The following SCUBE1 variants were observed in gnomAD, a reference collection of about 807,000 sequenced individuals.
SCUBE1 encodes signal peptide, CUB and EGF-like domain-containing protein 1.
In SCUBE1, 59 loss-of-function variants were observed where a neutral mutation model predicts 124.4. That is an observed-to-expected ratio of 0.47 (90% CI 0.38 to 0.59). The LOEUF (loss-of-function observed/expected upper bound fraction) is 0.59, where lower values mean the gene tolerates loss of function less well. Among genes scored for constraint, SCUBE1 ranks in the 20% least tolerant of loss-of-function variants. SCUBE1 has a pLI of 0.00. For synonymous variants in SCUBE1, 545 were observed against 550.9 expected (o/e 0.99, Z 0.15); for missense variants, 1,150 against 1,371.2 (o/e 0.84, Z 2.55).
At chr22:43,237,110 G>T (rs567045946) in intron 7 of SCUBE1, among the ~76,000 whole-genome samples, 182 of 152,024 alleles carry the variant, frequency 1.2e-3, no homozygotes, top group African/African-American at 4.1e-3. Context: ...GGTGGGGTGG[G>T]GGGGGTTGGG....
In SCUBE1 at chr22:43,222,626, C is replaced by CG. The variant is rs139005; in HGVS notation, c.1432+11dup. 8 of 1,563,900 alleles carry CG rather than the reference C, an allele frequency of 5.1e-6. No homozygotes were observed. The highest frequency in any genetic ancestry group is 1.8e-5 in the Admixed American group (1 of 55,568). On this transcript the variant is annotated intron_variant, in intron 12 of 21. Transcript: ENST00000360835. ...CCAGTGGCATGCAGCATGGACAGGC[C>CG]GGGGGGGTTACCTGAGCAGCTGGGC...
chr22:43,247,886 T>C (rs1459994807), intron 6 of SCUBE1, among the ~76,000 whole-genome samples: 1 of 152,160 alleles, frequency 6.6e-6, no homozygotes, highest in Non-Finnish European at 1.5e-5. Context: ...AGTATTACCA[T>C]GTGGGCCTGC....
chr22:43,342,463 G>A (rs900549691), intron 1 of SCUBE1, among the ~76,000 whole-genome samples: 8 of 151,990 alleles, frequency 5.3e-5, no homozygotes, highest in African/African-American at 1.7e-4. Context: ...CGGCTTTCCA[G>A]GTATCTCTGT....
At chr22:43,242,401 G>GC (rs1923041115) in intron 6 of SCUBE1, among the ~76,000 whole-genome samples, 1 of 152,244 alleles carries the variant, frequency 6.6e-6, no homozygotes, top group African/African-American at 2.4e-5. Flanking sequence ...AGCAGGCCAG[G>GC]CCGCCTTTAC....
chr22:43,327,487 G>A (rs1414162054), intron 2 of SCUBE1, among the ~76,000 whole-genome samples: 5 of 152,176 alleles, frequency 3.3e-5, no homozygotes, highest in Non-Finnish European at 2.9e-5. Flanking sequence ...TTGGAGTAAT[G>A]AAAAGATTCT....
rs1922556719 is a variant in SCUBE1, at chr22:43,231,654, G to T, written c.967+99C>A. On this transcript the variant is annotated intron_variant, in intron 8 of 21. Transcript: ENST00000360835. ...CATTCCCTCGGGCCCAGCCCCATCC[G>T]CATTCCCCTCCCCTCCTAGGAGCCC... 7 of 1,435,252 alleles carry T rather than the reference G, an allele frequency of 4.9e-6. No individual in the cohort carries two copies. In the South Asian group the frequency reaches 6.3e-5, roughly 13 times the overall value. 88.9% of individuals were successfully genotyped at this position (1,435,252 alleles called of 1,614,324 possible).
intron 2 of SCUBE1, among the ~76,000 whole-genome samples, chr22:43,333,412 T>A (rs954297095): frequency 6.6e-6 from 1 of 152,168 alleles, no homozygotes; most frequent in African/African-American, 2.4e-5. Context: ...TCATCACACA[T>A]GTCCACTGGC....
chr22:43,223,582 G>C (rs143229595), intron 10 of SCUBE1, among the ~76,000 whole-genome samples: 43 of 152,306 alleles, frequency 2.8e-4, no homozygotes, highest in African/African-American at 7.9e-4. Context: ...GGGGCCGTGG[G>C]GGGGATCGCT....
At chr22:43,205,848 T>C (rs1601791003) in intron 21 of SCUBE1, among the ~76,000 whole-genome samples, 1 of 15,714 alleles carries the variant, frequency 6.4e-5, no homozygotes, top group Non-Finnish European at 1.2e-4. Context: ...ACACACCCAC[T>C]CACCACTCAC....
At position 43,212,558 on chromosome 22, in the gene SCUBE1, G is replaced by C. The variant is rs1921614343; in HGVS notation, c.2088C>G (p.Gly696=). The change falls in exon 17 of 22, where the codon GGC becomes GGG. Residue 696 remains glycine, a synonymous_variant. Transcript: ENST00000360835. ...CGGGGCAGGCCTGGCAGGGCTTGAA[G>C]CCATCGGCCGAGAAGAAGCCTGGAG... ...QCSPGFFSAD[G]FKPCQACPVG... The C allele has an allele frequency of 6.4e-7, 1 of 1,565,832 alleles. No individual in the cohort carries two copies. Among genetic ancestry groups the C allele is most frequent in the Non-Finnish European group, 8.6e-7 (1 of 1,156,464 alleles).
chr22:43,325,059 G>A (rs573438196), intron 2 of SCUBE1, among the ~76,000 whole-genome samples: 20 of 151,356 alleles, frequency 1.3e-4, no homozygotes, highest in Admixed American at 4.0e-4. Flanking sequence ...ACAGACACGC[G>A]GAGAGAAGGC....
intron 3 of SCUBE1, among the ~76,000 whole-genome samples, chr22:43,292,555 T>TC (rs1312123417): frequency 0.022 from 638 of 28,418 alleles, 3 homozygotes; most frequent in Non-Finnish European, 0.034. Context: ...CCCCGGTCCC[T>TC]AACACACACA....
chr22:43,268,492 T>C (rs1924163559), intron 4 of SCUBE1, among the ~76,000 whole-genome samples: 1 of 152,196 alleles, frequency 6.6e-6, no homozygotes, highest in African/African-American at 2.4e-5. Context: ...CCAAATCCAA[T>C]TACATGCTAC....
rs1285646189 is a variant in SCUBE1 at position 43,220,476 on chromosome 22, A to G, written c.1661T>C (p.Ile554Thr). 1 of 1,614,016 alleles carries G rather than the reference A, an allele frequency of 6.2e-7. No homozygotes were observed. Among genetic ancestry groups the G allele is most frequent in the South Asian group, 1.1e-5 (1 of 91,070 alleles). The change falls in exon 14 of 22, where the codon ATC becomes ACC. Residue 554 changes from isoleucine (I) to threonine (T), a missense_variant. Physicochemically the swap from Ile to Thr is moderately conservative, Grantham distance 89. Transcript: ENST00000360835. ...TGAGGCCTCTTCCATCTTTGTCTCG[A>G]TCTCAAACTCTGCTGTGATGTGGGA... ...EVSHITAEFE[I>T]ETKMEEASDT... is the part of the protein sequence containing the mutation.
chr22:43,341,414 G>A (rs1887586609), intron 1 of SCUBE1, among the ~76,000 whole-genome samples: 1 of 152,220 alleles, frequency 6.6e-6, no homozygotes. Context: ...GGTCACTTAT[G>A]AGACAGGACC....
chr22:43,208,476 ATCCCC>A (rs1220386131), intron 19 of SCUBE1, among the ~76,000 whole-genome samples: 6 of 151,664 alleles, frequency 4.0e-5, no homozygotes, highest in Non-Finnish European at 8.8e-5. Context: ...CTCTCCCCCC[ATCCCC>A]TCCCAAGATC....
chr22:43,280,444 C>G lies in SCUBE1; in HGVS notation c.484+10602G>C, dbSNP rs1486261474. ...CCTGTCCCTTCCCCTCACCCATCCC[C>G]CTGTCCCTTCCCCTCACCCATCCTC... On this transcript the variant is annotated intron_variant, in intron 4 of 21. Coordinates refer to ENST00000360835, the MANE Select transcript of SCUBE1 (RefSeq NM_173050.5). Among the ~76,000 whole-genome samples, 281 of 109,178 alleles carry G rather than the reference C, an allele frequency of 2.6e-3. 3 individuals carry two copies. Among genetic ancestry groups the G allele is most frequent in the African/African-American group, 4.7e-3 (99 of 21,180 alleles). 71.6% of individuals were successfully genotyped at this position (109,178 alleles called of 152,430 possible).
At chr22:43,329,190 C>A (rs1926822869) in intron 2 of SCUBE1, among the ~76,000 whole-genome samples, 1 of 152,248 alleles carries the variant, frequency 6.6e-6, no homozygotes, top group Non-Finnish European at 1.5e-5. Flanking sequence ...GGGAATGACT[C>A]AGATACAGAT....
At chr22:43,320,162 T>C (rs2146784677) in intron 2 of SCUBE1, 97 bp from the exon 3 acceptor site, 1 of 1,460,934 alleles carries the variant, frequency 6.8e-7, no homozygotes. Flanking sequence ...GATTAGGGGA[T>C]GATTCAACAA....
Sources: gnomAD v4.1 joint callset for allele counts (sites outside exome capture counted in the v4.1 genomes callset) on GRCh38, gnomAD v4.1.1 for gene constraint, MANE v1.5 for transcripts, NCBI Gene and HGNC (gene_info 2026-07-23, HGNC 2026-07-21) for gene names.